ASS1: variants seen among roughly 807,000 people sequenced by gnomAD.
The protein encoded by ASS1 is argininosuccinate synthase.
A neutral mutation model predicts 60.5 loss-of-function variants in ASS1; 58 were observed. The observed-to-expected ratio is 0.96, with a 90% confidence interval of 0.78 to 1.19. The LOEUF is 1.19. Ranked by LOEUF, ASS1 falls within the 50% of genes most tolerant of loss-of-function variation. ASS1 has a pLI of 0.00. For missense variants in ASS1, 454 were observed against 547.3 expected (o/e 0.83, Z 1.70); for synonymous variants, 200 against 206.9 (o/e 0.97, Z 0.29).
In ASS1 at chr9:130,458,488, C is replaced by A. The variant is rs895822620; in HGVS notation, c.262C>A (p.Leu88Ile). ...CAGCGCACTGTATGAGGACCGCTAC[C>A]TCCTGGGCACCTCTCTTGCCAGGCC... Reference protein sequence around the residue: ...QSSALYEDRYLLGTSLARPCI... With the variant: ...QSSALYEDRYILGTSLARPCI... Residue 88 changes from leucine to isoleucine, a missense_variant, in exon 4 of 15, where the codon CTC becomes ATC. Leu to Ile is a conservative substitution (Grantham distance 5, BLOSUM62 2). Coordinates refer to ENST00000352480, the MANE Select transcript of ASS1 (RefSeq NM_054012.4). 1.2e-6 allele frequency: 2 copies of A among 1,612,734 alleles called. No individual in the cohort carries two copies. Among genetic ancestry groups the A allele is most frequent in the South Asian group, 2.2e-5 (2 of 91,020 alleles).
In ASS1 at chr9:130,459,970, A is replaced by G. The variant is rs1845549479; in HGVS notation, c.363+1381A>G. Among the ~76,000 whole-genome samples the G allele has an allele frequency of 6.6e-6, 1 of 152,224 alleles. No homozygotes were observed. Among genetic ancestry groups the G allele is most frequent in the Non-Finnish European group, 1.5e-5 (1 of 68,040 alleles). On this transcript the variant is annotated intron_variant, in intron 4 of 14. Transcript: ENST00000352480. This position sits in a 1 kb window ranked among gnomAD's most constrained non-coding sequence, Gnocchi z 4.6. ...AAACCAGATTCCTGACAATGTTGGCAACTGTCAGCCGATGTTTTTATAAAG... is the reference window on the plus strand; with the variant it reads ...AAACCAGATTCCTGACAATGTTGGCGACTGTCAGCCGATGTTTTTATAAAG...
intron 4 of ASS1, among the ~76,000 whole-genome samples, chr9:130,460,917 G>A (rs924849445): frequency 9.9e-5 from 15 of 152,108 alleles, no homozygotes; most frequent in Non-Finnish European, 8.8e-5. Flanking sequence ...GGCCTGAGCT[G>A]TTGGGCAGGA....
intron 8 of ASS1, among the ~76,000 whole-genome samples, chr9:130,473,190 C>G (rs906683352): frequency 3.9e-5 from 6 of 152,222 alleles, no homozygotes; most frequent in African/African-American, 1.4e-4. Context: ...CCCAACTTTT[C>G]TTCTTATTGC....
intron 3 of ASS1, among the ~76,000 whole-genome samples, chr9:130,457,742 C>G (rs945576130): frequency 1.3e-5 from 2 of 152,160 alleles, no homozygotes; most frequent in East Asian, 1.9e-4. Flanking sequence ...ACTCCCACCC[C>G]CAACAGGGAC....
In ASS1 at chr9:130,501,098, T is replaced by C; in HGVS notation, c.*77T>C. On this transcript the variant is annotated 3_prime_UTR_variant, in exon 15 of 15. Coordinates refer to ENST00000352480, the MANE Select transcript of ASS1 (RefSeq NM_054012.4). Reference sequence around the variant, plus strand: ...TACAGGCGCTAATTGTTGTGATAATTTGTAATTGTGACTTGTTCTCCCCGG... The same window carrying C: ...TACAGGCGCTAATTGTTGTGATAATCTGTAATTGTGACTTGTTCTCCCCGG... 1 of 1,488,078 alleles carries C rather than the reference T, an allele frequency of 6.7e-7. No individual in the cohort carries two copies. Among genetic ancestry groups the C allele is most frequent in the Middle Eastern group, 2.2e-4 (1 of 4,456 alleles). The allele number at this position is 1,488,078 out of a possible 1,614,324, so 92.2% of individuals were successfully genotyped here.
chr9:130,487,764 T>TG (rs1319910589), intron 11 of ASS1, among the ~76,000 whole-genome samples: 1 of 151,942 alleles, frequency 6.6e-6, no homozygotes, highest in African/African-American at 2.4e-5. Context: ...TTCCTTTTTT[T>TG]TTTTTAGACA....
At chr9:130,465,442 A>G (rs1158811162) in intron 5 of ASS1, among the ~76,000 whole-genome samples, 3 of 152,276 alleles carry the variant, frequency 2.0e-5, no homozygotes, top group Non-Finnish European at 4.4e-5. Flanking sequence ...AAAAATAATT[A>G]TTAATGTTTA....
At chr9:130,482,305 T>A (rs1490726844) in intron 11 of ASS1, among the ~76,000 whole-genome samples, 4 of 151,032 alleles carry the variant, frequency 2.6e-5, no homozygotes, top group Non-Finnish European at 4.4e-5. Flanking sequence ...GCCCCCATCC[T>A]CTGGGAGCTG....
At chr9:130,473,585 G>A (rs1845927072) in intron 8 of ASS1, among the ~76,000 whole-genome samples, 1 of 152,180 alleles carries the variant, frequency 6.6e-6, no homozygotes, top group Non-Finnish European at 1.5e-5. Context: ...TGCTGAGGGT[G>A]GGGCTCAACG....
At chr9:130,452,860 G>A (rs1285283902) in intron 2 of ASS1, among the ~76,000 whole-genome samples, 2 of 152,196 alleles carry the variant, frequency 1.3e-5, no homozygotes, top group Non-Finnish European at 2.9e-5. Flanking sequence ...TCTCAAACTA[G>A]CTCCTCTTCG....
chr9:130,498,412 T>A (rs543254967), intron 13 of ASS1, among the ~76,000 whole-genome samples: 1 of 152,188 alleles, frequency 6.6e-6, no homozygotes, highest in African/African-American at 2.4e-5. Context: ...TGAGTCCACG[T>A]GCCCTAAGTG....
intron 11 of ASS1, among the ~76,000 whole-genome samples, chr9:130,487,042 C>T (rs1014781613): frequency 6.6e-6 from 1 of 152,208 alleles, no homozygotes; most frequent in African/African-American, 2.4e-5. Context: ...AAGCCACCCC[C>T]CTCCCCAGGC....
rs563346685 is a variant in ASS1, at chr9:130,463,379, G to A, written c.364-732G>A. Among the ~76,000 whole-genome samples the A allele has an allele frequency of 1.9e-3, 288 of 152,330 alleles. 1 individual carries two copies. The highest frequency in any genetic ancestry group is 6.6e-3 in the African/African-American group (274 of 41,570). The stretch of plus-strand genomic sequence containing the variant: ...TGGTCCCGGCTATGTCGGGGGTAAC[G>A]TTCACAGCTCAGTGGGGTGTTGAGG... On this transcript the variant is annotated intron_variant, in intron 4 of 14. Transcript: ENST00000352480.
rs1289852479 is a variant in ASS1, at chr9:130,494,934, A to C, written c.1038A>C (p.Glu346Asp). The change falls in exon 13 of 15, where the codon GAA (glutamate) becomes GAC (aspartate). Residue 346 changes from glutamate to aspartate, a missense_variant. By Grantham distance (45) the Glu-to-Asp change is conservative. Transcript: ENST00000352480. The surrounding 1 kb of genome is among the most constrained non-coding windows in gnomAD (Gnocchi z 4.3). ...TCGCCAAGTCCCAGGAGCGAGTGGA[A>C]GGGAAAGTGCAGGTGTCCGTCCTCA... ...HCIAKSQERV[E>D]GKVQVSVLKG... 2.4e-5 allele frequency: 39 copies of C among 1,613,542 alleles called. No individual in the cohort carries two copies. The highest frequency in any genetic ancestry group is 3.2e-5 in the Non-Finnish European group (38 of 1,179,958).
chr9:130,498,628 G>C (rs1400288777), intron 13 of ASS1, among the ~76,000 whole-genome samples: 3 of 152,216 alleles, frequency 2.0e-5, no homozygotes, highest in African/African-American at 7.2e-5. Flanking sequence ...CCAGGCACCA[G>C]CTACATTATT....
chr9:130,496,593 T>TAAAAA (rs56807719), intron 13 of ASS1, among the ~76,000 whole-genome samples: 4 of 105,960 alleles, frequency 3.8e-5, no homozygotes, highest in East Asian at 2.6e-4. Flanking sequence ...ACTGTCTCTT[T>TAAAAA]AAAAAAAAAA....
chr9:130,451,558 C>G (rs1845326094), intron 1 of ASS1: 1 of 345,430 alleles, frequency 2.9e-6, no homozygotes, highest in Non-Finnish European at 5.7e-6. Flanking sequence ...AGGAGAGGGA[C>G]TGGGGCTGGG....
chr9:130,485,823 G>C (rs1163469475), intron 11 of ASS1, among the ~76,000 whole-genome samples: 2 of 152,256 alleles, frequency 1.3e-5, no homozygotes, highest in Admixed American at 6.5e-5. Context: ...AAGGTTTCTA[G>C]GCTGATTGAA....
At chr9:130,484,109 CA>C (rs1846242450) in intron 11 of ASS1, among the ~76,000 whole-genome samples, 1 of 152,198 alleles carries the variant, frequency 6.6e-6, no homozygotes, top group Non-Finnish European at 1.5e-5. Context: ...CTCCCATCAC[CA>C]TGGCAACTGC....
Sources: gnomAD v4.1 joint callset for allele counts (sites outside exome capture counted in the v4.1 genomes callset) on GRCh38, gnomAD v4.1.1 for gene constraint, Gnocchi (gnomAD v3.1) non-coding constraint, MANE v1.5 for transcripts, NCBI Gene and HGNC (gene_info 2026-07-23, HGNC 2026-07-21) for gene names.